LITAF: variants seen among roughly 807,000 people sequenced by gnomAD.
The protein encoded by LITAF is lipopolysaccharide-induced tumor necrosis factor-alpha factor.
LITAF carries 9 observed loss-of-function variants against 14.5 expected under a neutral mutation model. The observed-to-expected ratio is 0.62, with a 90% CI of 0.37 to 1.08. LITAF has a LOEUF of 1.08. LITAF is among the 50% of genes least tolerant of loss of function. LITAF has a pLI of 0.01. For synonymous variants in LITAF, 98 were observed against 88.2 expected (o/e 1.11, Z -0.62); for missense variants, 206 against 213.4 (o/e 0.97, Z 0.22).
chr16:11,628,934 C>A (rs1248275284), intron 3 of LITAF, among the ~76,000 whole-genome samples: 2 of 152,248 alleles, frequency 1.3e-5, no homozygotes, highest in Non-Finnish European at 2.9e-5. Flanking sequence ...CCTTGGCCTC[C>A]CAAAGTGCTG....
At chr16:11,587,736 GC>G (rs1345266341), upstream of LITAF, among the ~76,000 whole-genome samples, 3 of 152,146 alleles carry the variant, frequency 2.0e-5, no homozygotes, top group Non-Finnish European at 4.4e-5. Flanking sequence ...TCTGCTTGGA[GC>G]CCCATCGGCC....
At chr16:11,630,758 A>T (rs2065113601) in intron 3 of LITAF, among the ~76,000 whole-genome samples, 1 of 150,716 alleles carries the variant, frequency 6.6e-6, no homozygotes, top group South Asian at 2.1e-4. Flanking sequence ...TTTTTATTTT[A>T]TTTTTTTTCT....
chr16:11,573,492 C>T (rs1597349208), intron 1 of LITAF, among the ~76,000 whole-genome samples: 1 of 152,190 alleles, frequency 6.6e-6, no homozygotes, highest in East Asian at 1.9e-4. Context: ...GGGGTATTCA[C>T]TACAGCGTTG....
intron 1 of LITAF, among the ~76,000 whole-genome samples, chr16:11,564,839 G>A (rs1360593208): frequency 6.6e-6 from 1 of 152,068 alleles, no homozygotes; most frequent in Non-Finnish European, 1.5e-5. Context: ...GCCCAGAATA[G>A]GTGAATTCAT....
At chr16:11,639,899 C>T (rs906876097), upstream of LITAF, among the ~76,000 whole-genome samples, 1 of 152,138 alleles carries the variant, frequency 6.6e-6, no homozygotes, top group Admixed American at 6.6e-5. Context: ...CTCAGCCCCC[C>T]AAGTAGCTGG....
chr16:11,555,939 G>A (rs530675844), intron 2 of LITAF, among the ~76,000 whole-genome samples: 11 of 152,230 alleles, frequency 7.2e-5, no homozygotes, highest in South Asian at 2.1e-4. Context: ...TCTGATTCAC[G>A]GGCCCCCTCT....
Position 11,549,533 on chromosome 16 carries a change from G to T in LITAF, c.*104C>A. On this transcript the variant is annotated 3_prime_UTR_variant, in exon 4 of 4. Transcript: ENST00000622633. The surrounding 1 kb of genome is among the most constrained non-coding windows in gnomAD (Gnocchi z 4.6). ...AGAAGACATGAAGGTGGGCCCCCTG[G>T]AGAGGTGAGACCACCAGGGCAGAAC... 1.2e-6 allele frequency: 1 copy of T among 822,558 alleles called. No individual in the cohort carries two copies. The allele number at this position is 822,558 out of a possible 1,614,324, so 51.0% of individuals were successfully genotyped here.
chr16:11,583,211 T>C (rs918172218), intron 1 of LITAF, among the ~76,000 whole-genome samples: 1 of 152,246 alleles, frequency 6.6e-6, no homozygotes, highest in Non-Finnish European at 1.5e-5. Context: ...AGGCTGTTTC[T>C]GCAGGGCGGT....
At chr16:11,635,098 A>G (rs2065133244) in intron 2 of LITAF, among the ~76,000 whole-genome samples, 1 of 151,388 alleles carries the variant, frequency 6.6e-6, no homozygotes, top group African/African-American at 2.4e-5. Context: ...ATAAAACTCC[A>G]GTCTCCTATT....
chr16:11,583,219 G>A (rs191094120), intron 1 of LITAF, among the ~76,000 whole-genome samples: 5 of 152,258 alleles, frequency 3.3e-5, no homozygotes, highest in Admixed American at 6.5e-5. Context: ...TCTGCAGGGC[G>A]GTATGTCCCA....
chr16:11,556,050 A>T (rs1294182587), intron 2 of LITAF, among the ~76,000 whole-genome samples: 1 of 152,172 alleles, frequency 6.6e-6, no homozygotes, highest in Non-Finnish European at 1.5e-5. Context: ...GGGACCATCT[A>T]GTTGCTCAAA....
In LITAF at chr16:11,553,952, C is replaced by T. The variant is rs1483298198; in HGVS notation, c.221-263G>A. 1.3e-5 allele frequency among the ~76,000 whole-genome samples: 2 copies of T among 152,096 alleles called. No homozygotes were observed. The highest frequency in any genetic ancestry group is 2.4e-5 in the African/African-American group (1 of 41,418). ...TTCAGCCTCAAAAAGAAAGGAGGAC[C>T]GGGCGCGGTAGCTCATGCCTGTAAT... On this transcript the variant is annotated intron_variant, in intron 2 of 3. Transcript: ENST00000622633. The surrounding 1 kb of genome is among the most constrained non-coding windows in gnomAD (Gnocchi z 7.7).
At chr16:11,626,598 A>T (rs759441141) in intron 3 of LITAF, among the ~76,000 whole-genome samples, 1 of 151,974 alleles carries the variant, frequency 6.6e-6, no homozygotes, top group Admixed American at 6.6e-5. Flanking sequence ...TCGGCCTCCC[A>T]AAGTGCTGGG....
At chr16:11,609,978 C>G (rs772161581) in intron 3 of LITAF, among the ~76,000 whole-genome samples, 1 of 152,182 alleles carries the variant, frequency 6.6e-6, no homozygotes, top group Non-Finnish European at 1.5e-5. Flanking sequence ...TTTCAAGGCA[C>G]CAAATGACCC....
At chr16:11,631,754 C>T (rs570043544) in intron 3 of LITAF, among the ~76,000 whole-genome samples, 1 of 152,246 alleles carries the variant, frequency 6.6e-6, no homozygotes, top group East Asian at 1.9e-4. Context: ...TACACAGACA[C>T]CCGTCATTGG....
rs1369367616 is a variant in LITAF, at chr16:11,573,949, G to T, written c.-6+12937C>A. On this transcript the variant is annotated intron_variant, in intron 1 of 3. Coordinates refer to ENST00000622633, the MANE Select transcript of LITAF (RefSeq NM_001136472.2). ...ACTCCTGACCTCAAGTGATCCTCCC[G>T]CCTCGGGCTCCCAAAGTGCTGGGAT... Among the ~76,000 whole-genome samples, 3 of 151,604 alleles carry T rather than the reference G, an allele frequency of 2.0e-5. No individual in the cohort carries two copies. The South Asian group carries it at 6.2e-4, about 32-fold the overall frequency.
intron 3 of LITAF, among the ~76,000 whole-genome samples, chr16:11,626,422 C>T (rs545893093): frequency 6.6e-6 from 1 of 152,312 alleles, no homozygotes; most frequent in Non-Finnish European, 1.5e-5. Flanking sequence ...CAGCTCACTG[C>T]AACCTCTGCC....
At chr16:11,612,466 C>G (rs142037973) in intron 3 of LITAF, among the ~76,000 whole-genome samples, 6 of 152,350 alleles carry the variant, frequency 3.9e-5, no homozygotes, top group African/African-American at 1.4e-4. Flanking sequence ...TATTGGGCAA[C>G]TCCCAGCAGG....
chr16:11,559,937 G>A lies in LITAF; in HGVS notation c.-5-3202C>T, dbSNP rs142631328. The stretch of plus-strand genomic sequence containing the variant: ...TTAAACCCAGGAGTTCAAGTGAGCC[G>A]TGACTGCGCCACTGCACTCCAGCCT... On this transcript the variant is annotated intron_variant, in intron 1 of 3. Coordinates refer to ENST00000622633, the MANE Select transcript of LITAF (RefSeq NM_001136472.2). 4.3e-3 allele frequency among the ~76,000 whole-genome samples: 647 copies of A among 151,864 alleles called. 3 individuals are homozygous for A. The highest frequency in any genetic ancestry group is 7.0e-3 in the Non-Finnish European group (476 of 67,936).
Sources: gnomAD v4.1 joint callset for allele counts (sites outside exome capture counted in the v4.1 genomes callset) on GRCh38, gnomAD v4.1.1 for gene constraint, Gnocchi (gnomAD v3.1) non-coding constraint, MANE v1.5 for transcripts, NCBI Gene and HGNC (gene_info 2026-07-23, HGNC 2026-07-21) for gene names.